The following ARHGAP26 variants were observed in gnomAD, a reference collection of about 807,000 sequenced individuals.
ARHGAP26 encodes the protein rho GTPase-activating protein 26.
Under a neutral mutation model 104.8 loss-of-function variants are expected in ARHGAP26, and 38 were observed. That is an observed-to-expected ratio of 0.36 (90% CI 0.28 to 0.48). ARHGAP26 has a LOEUF of 0.48. ARHGAP26 is among the 20% of genes least tolerant of loss of function. The pLI, the probability that ARHGAP26 is intolerant of heterozygous loss-of-function variation, is 0.99. For missense variants in ARHGAP26, 704 were observed against 947.9 expected, an observed-to-expected ratio of 0.74 and a Z score of 3.38; for synonymous variants, 341 against 340.0, an observed-to-expected ratio of 1.00 and a Z score of -0.03.
At chr5:142,958,142 T>G (rs1769563461) in intron 11 of ARHGAP26, among the ~76,000 whole-genome samples, 1 of 152,176 alleles carries the variant, frequency 6.6e-6, no homozygotes, top group African/African-American at 2.4e-5. Flanking sequence ...AGTCATGTGT[T>G]TAGATAAACC....
intron 21 of ARHGAP26, among the ~76,000 whole-genome samples, chr5:143,212,956 T>C (rs1809744318): frequency 6.6e-6 from 1 of 152,118 alleles, no homozygotes; most frequent in Admixed American, 6.5e-5. Context: ...CCATCCTGGC[T>C]AACACGGTGA....
intron 21 of ARHGAP26, among the ~76,000 whole-genome samples, chr5:143,210,017 T>G (rs1001097443): frequency 6.6e-6 from 1 of 152,190 alleles, no homozygotes; most frequent in African/African-American, 2.4e-5. Context: ...GAGCAAAGCC[T>G]TTATAAGTAA....
At chr5:143,058,098 CA>C (rs948578225) in intron 17 of ARHGAP26, 5 of 474,290 alleles carry the variant, frequency 1.1e-5, no homozygotes, top group African/African-American at 9.8e-5. Flanking sequence ...TCATCAAGAA[CA>C]AACAAAAATA....
intron 17 of ARHGAP26, among the ~76,000 whole-genome samples, chr5:143,098,775 T>C (rs1262192885): frequency 6.6e-6 from 1 of 152,196 alleles, no homozygotes; most frequent in Non-Finnish European, 1.5e-5. Context: ...TTCTCCCTCA[T>C]AGAAAATGAA....
intron 1 of ARHGAP26, among the ~76,000 whole-genome samples, chr5:142,778,956 A>C (rs1213938100): frequency 7.5e-6 from 1 of 133,266 alleles, no homozygotes; most frequent in East Asian, 2.0e-4. Context: ...AAAAAAAAAA[A>C]CTTAGTGTGT....
intron 11 of ARHGAP26, among the ~76,000 whole-genome samples, chr5:142,968,666 T>A (rs1318005496): frequency 6.6e-6 from 1 of 152,254 alleles, no homozygotes; most frequent in African/African-American, 2.4e-5. Flanking sequence ...TACATATGTA[T>A]TGTGCATATG....
intron 9 of ARHGAP26, among the ~76,000 whole-genome samples, chr5:142,912,381 C>T (rs994846308): frequency 2.0e-5 from 3 of 152,130 alleles, no homozygotes; most frequent in African/African-American, 7.2e-5. Flanking sequence ...TTACAGAAAG[C>T]AGATTCAGCG....
At chr5:142,876,410 T>C (rs551412570) in intron 3 of ARHGAP26, among the ~76,000 whole-genome samples, 1 of 152,282 alleles carries the variant, frequency 6.6e-6, no homozygotes, top group Non-Finnish European at 1.5e-5. Context: ...AAGTAACTTG[T>C]CACAGATCAC....
intron 1 of ARHGAP26, among the ~76,000 whole-genome samples, chr5:142,857,737 C>T (rs556201554): frequency 7.2e-5 from 11 of 152,130 alleles, no homozygotes; most frequent in South Asian, 4.1e-4. Context: ...AGGGACTTTC[C>T]GGGTCTTCGG....
At chr5:143,197,814 G>A (rs1562593964) in intron 20 of ARHGAP26, among the ~76,000 whole-genome samples, 1 of 152,168 alleles carries the variant, frequency 6.6e-6, no homozygotes, top group Non-Finnish European at 1.5e-5. Flanking sequence ...TGTATGGTGT[G>A]AGGTAGGGGA....
chr5:143,111,872 G>A (rs1024067866), intron 17 of ARHGAP26, among the ~76,000 whole-genome samples: 8 of 152,174 alleles, frequency 5.3e-5, no homozygotes, highest in Non-Finnish European at 1.0e-4. Flanking sequence ...GGCCAACCAC[G>A]TCCCCCAACT....
At chr5:142,905,394 T>C (rs1327110656) in intron 8 of ARHGAP26, among the ~76,000 whole-genome samples, 1 of 152,188 alleles carries the variant, frequency 6.6e-6, no homozygotes, top group Non-Finnish European at 1.5e-5. Flanking sequence ...TACAGCACTT[T>C]TTTTTTAATT....
At chr5:142,968,933 A>G (rs559898366) in intron 11 of ARHGAP26, among the ~76,000 whole-genome samples, 1 of 152,120 alleles carries the variant, frequency 6.6e-6, no homozygotes, top group East Asian at 1.9e-4. Context: ...TATTTTACTC[A>G]TTTATTTACT....
Position 142,979,354 on chromosome 5 carries a change from G to A in ARHGAP26, c.1108-34726G>A, listed in dbSNP as rs1189548770. 2.0e-5 allele frequency among the ~76,000 whole-genome samples: 3 copies of A among 152,176 alleles called. No individual in the cohort carries two copies. The East Asian group carries it at 5.8e-4, about 29-fold the overall frequency. On this transcript the variant is annotated intron_variant, in intron 11 of 22. Coordinates refer to ENST00000645722, the MANE Select transcript of ARHGAP26 (RefSeq NM_001135608.3). ...TTTTGAGGTCCCAGCTGGTGTCAGAGTTTTGCTCTGCAATTGCTTTTTTCT... is the reference window on the plus strand; with the variant it reads ...TTTTGAGGTCCCAGCTGGTGTCAGAATTTTGCTCTGCAATTGCTTTTTTCT...
intron 11 of ARHGAP26, among the ~76,000 whole-genome samples, chr5:143,003,002 T>C (rs79517572): frequency 0.019 from 2,935 of 152,284 alleles, 57 homozygotes; most frequent in African/African-American, 0.051. Context: ...TGATTTGAGG[T>C]TGAATTTTTC....
At chr5:142,868,024 G>A (rs1396294385) in intron 1 of ARHGAP26, 1 of 152,140 alleles carries the variant, frequency 6.6e-6, no homozygotes, top group Admixed American at 6.5e-5. Flanking sequence ...TGAGCATGAA[G>A]GGATATGATC....
Position 142,871,455 on chromosome 5 carries a change from A to G in ARHGAP26, c.155-1945A>G, listed in dbSNP as rs115068781. Among the ~76,000 whole-genome samples, 1,195 of 152,068 alleles carry G rather than the reference A, an allele frequency of 7.9e-3. 10 individuals carry two copies. Among genetic ancestry groups the G allele is most frequent in the Non-Finnish European group, 0.012 (839 of 67,992 alleles). ...CTCTTGCTTATGGGGGAGGCACAGG[A>G]TTGTCGGGTGGGTAGAAAGGCAAAC... On this transcript the variant is annotated intron_variant, in intron 1 of 22. Coordinates refer to ENST00000645722, the MANE Select transcript of ARHGAP26 (RefSeq NM_001135608.3). The surrounding 1 kb of genome is among the most constrained non-coding windows in gnomAD (Gnocchi z 4.1).
intron 1 of ARHGAP26, among the ~76,000 whole-genome samples, chr5:142,813,428 C>G: frequency 6.6e-6 from 1 of 152,128 alleles, no homozygotes; most frequent in East Asian, 1.9e-4. Context: ...AACCAGACTG[C>G]TCTGCCCTTC....
intron 1 of ARHGAP26, among the ~76,000 whole-genome samples, chr5:142,785,731 G>A (rs1758442077): frequency 6.6e-6 from 1 of 152,180 alleles, no homozygotes; most frequent in South Asian, 2.1e-4. Flanking sequence ...GGTGTCAGTG[G>A]TCTTAACAGG....
Sources: allele counts gnomAD v4.1 joint callset (sites outside exome capture counted in the v4.1 genomes callset), GRCh38; gene constraint gnomAD v4.1.1; non-coding constraint Gnocchi (gnomAD v3.1); transcripts MANE v1.5; gene names NCBI Gene and HGNC (gene_info 2026-07-23, HGNC 2026-07-21).